Variants in EPHB1 observed in about 807,000 individuals in gnomAD.
EPHB1 encodes EPH receptor B1, also known as ephrin type-B receptor 1.
In EPHB1, 30 loss-of-function variants were observed where a neutral mutation model predicts 94.4. That is an observed-to-expected ratio of 0.32 (90% CI 0.24 to 0.43). The LOEUF (loss-of-function observed/expected upper bound fraction) is 0.43. EPHB1 is among the 20% of genes least tolerant of loss of function. The probability of loss-of-function intolerance (pLI) is 1.00; values close to 1 mark genes in which losing one functional copy is unlikely to be tolerated. For synonymous variants in EPHB1, 522 were observed against 489.1 expected (o/e 1.07, Z -0.89); for missense variants, 1,055 against 1,308.3 (o/e 0.81, Z 2.99).
intron 12 of EPHB1, among the ~76,000 whole-genome samples, chr3:135,237,052 C>G (rs574969091): frequency 2.6e-5 from 4 of 152,214 alleles, no homozygotes; most frequent in African/African-American, 4.8e-5. Context: ...TGAGGCTCAT[C>G]ATTACCATGT....
At chr3:134,934,168 T>A (rs1560303666) in intron 2 of EPHB1, among the ~76,000 whole-genome samples, 1 of 152,204 alleles carries the variant, frequency 6.6e-6, no homozygotes, top group East Asian at 1.9e-4. Flanking sequence ...CCTCCATAAT[T>A]GCACTCAGCA....
chr3:135,204,703 A>G (rs1307558304), intron 12 of EPHB1, among the ~76,000 whole-genome samples: 2 of 150,228 alleles, frequency 1.3e-5, no homozygotes, highest in Non-Finnish European at 3.0e-5. Flanking sequence ...GGGTTTTGCC[A>G]TGTTAGCCAG....
At chr3:134,797,566 A>G (rs544946945) in intron 1 of EPHB1, among the ~76,000 whole-genome samples, 3 of 152,252 alleles carry the variant, frequency 2.0e-5, no homozygotes, top group Non-Finnish European at 4.4e-5. Flanking sequence ...TGTGCATGCA[A>G]GCGAAGTAGT....
At chr3:134,990,628 G>A (rs1003648181) in intron 3 of EPHB1, among the ~76,000 whole-genome samples, 4 of 152,128 alleles carry the variant, frequency 2.6e-5, no homozygotes, top group Non-Finnish European at 2.9e-5. Context: ...TTTGTACCAG[G>A]ACTCCTGGGG....
intron 1 of EPHB1, among the ~76,000 whole-genome samples, chr3:134,867,981 T>C (rs938325836): frequency 1.3e-5 from 2 of 152,160 alleles, no homozygotes; most frequent in Admixed American, 6.5e-5. Context: ...TAAAGACCTC[T>C]AAGCATGAAG....
At chr3:134,929,867 C>T (rs1189262693) in intron 2 of EPHB1, among the ~76,000 whole-genome samples, 1 of 152,172 alleles carries the variant, frequency 6.6e-6, no homozygotes, top group Non-Finnish European at 1.5e-5. Context: ...CTTGGGAGAG[C>T]AGGGGTCCTC....
Position 134,951,840 on chromosome 3 carries a change from G to C in EPHB1, c.593G>C (p.Ser198Thr), listed in dbSNP as rs2107715924. 3 of 1,614,030 alleles carry C rather than the reference G, an allele frequency of 1.9e-6. No individual in the cohort carries two copies. The South Asian group carries it at 3.3e-5, about 18-fold the overall frequency. Residue 198 changes from serine to threonine, a missense_variant, in exon 3 of 16, where the codon AGC becomes ACC. Physicochemically the swap from Ser to Thr is moderately conservative, Grantham distance 58. Transcript: ENST00000398015. The surrounding 1 kb of genome is among the most constrained non-coding windows in gnomAD (Gnocchi z 4.5). ...CGTGTCTTCTTCAAAAAGTGTCCCA[G>C]CATTGTGCAAAATTTTGCAGTGTTT... Reference protein sequence around the residue: ...SVRVFFKKCPSIVQNFAVFPE... With the variant: ...SVRVFFKKCPTIVQNFAVFPE...
intron 3 of EPHB1, among the ~76,000 whole-genome samples, chr3:135,105,383 A>G (rs13314927): frequency 0.23 from 34,724 of 152,144 alleles, 5,547 homozygotes; most frequent in East Asian, 0.75. Context: ...TTGACCAGTC[A>G]GTAGGTTTTA....
intron 3 of EPHB1, among the ~76,000 whole-genome samples, chr3:134,986,515 A>G (rs1934601245): frequency 6.6e-6 from 1 of 152,186 alleles, no homozygotes; most frequent in African/African-American, 2.4e-5. Flanking sequence ...GTTCAGCATC[A>G]GCCAAAGCAC....
intron 15 of EPHB1, among the ~76,000 whole-genome samples, chr3:135,257,636 A>T (rs971568056): frequency 3.3e-5 from 5 of 151,344 alleles, no homozygotes; most frequent in Non-Finnish European, 7.4e-5. Context: ...TCAGACAGGG[A>T]CATTTAAGTC....
chr3:135,048,222 C>T (rs1937058896), intron 3 of EPHB1, among the ~76,000 whole-genome samples: 1 of 76,960 alleles, frequency 1.3e-5, no homozygotes, highest in Non-Finnish European at 2.3e-5. Context: ...AAAAAAAATA[C>T]TCTTTTTTTT....
chr3:134,957,720 G>A (rs1244866468), intron 3 of EPHB1, among the ~76,000 whole-genome samples: 1 of 152,186 alleles, frequency 6.6e-6, no homozygotes, highest in Non-Finnish European at 1.5e-5. Flanking sequence ...CCTAGGTACT[G>A]TCTTAAGAAT....
At chr3:135,154,332 G>A in intron 6 of EPHB1, 56 bp downstream of exon 6, 1 of 1,608,018 alleles carries the variant, frequency 6.2e-7, no homozygotes, top group Non-Finnish European at 8.5e-7. Context: ...CTGTTCCATG[G>A]ATGGTTGCTA....
chr3:134,953,538 G>A (rs764240489), intron 3 of EPHB1, among the ~76,000 whole-genome samples: 3 of 152,212 alleles, frequency 2.0e-5, no homozygotes, highest in Non-Finnish European at 2.9e-5. Flanking sequence ...TTGCCATTTG[G>A]CAGGGTCTAA....
chr3:135,072,937 G>A (rs916229588), intron 3 of EPHB1, among the ~76,000 whole-genome samples: 1 of 151,922 alleles, frequency 6.6e-6, no homozygotes, highest in African/African-American at 2.4e-5. Flanking sequence ...GATCAGAGGG[G>A]GTACCCATTT....
intron 11 of EPHB1, among the ~76,000 whole-genome samples, chr3:135,201,256 T>C (rs1254897359): frequency 6.6e-6 from 1 of 151,608 alleles, no homozygotes; most frequent in Non-Finnish European, 1.5e-5. Flanking sequence ...GGGTTTGAGA[T>C]GTAATTTGGA....
At chr3:134,797,533 G>T (rs1367438473) in intron 1 of EPHB1, among the ~76,000 whole-genome samples, 3 of 152,234 alleles carry the variant, frequency 2.0e-5, no homozygotes, top group Admixed American at 1.3e-4. Context: ...ACTTTGGGGA[G>T]CGTGCTCTCG....
intron 9 of EPHB1, among the ~76,000 whole-genome samples, chr3:135,170,744 G>A (rs1172410557): frequency 1.3e-5 from 2 of 152,194 alleles, no homozygotes; most frequent in Admixed American, 6.5e-5. Context: ...TCTAAAAGGT[G>A]TTTACAAAGA....
At chr3:134,963,238 G>C (rs191562781) in intron 3 of EPHB1, among the ~76,000 whole-genome samples, 3 of 150,756 alleles carry the variant, frequency 2.0e-5, no homozygotes, top group Non-Finnish European at 2.9e-5. Flanking sequence ...ATGTTAAAAA[G>C]TGAGTTAATT....
Sources: allele counts gnomAD v4.1 joint callset (sites outside exome capture counted in the v4.1 genomes callset), GRCh38; gene constraint gnomAD v4.1.1; non-coding constraint Gnocchi (gnomAD v3.1); transcripts MANE v1.5; gene names NCBI Gene and HGNC (gene_info 2026-07-23, HGNC 2026-07-21).